The following TCF7L1 variants were observed in gnomAD, a reference collection of about 807,000 sequenced individuals.
TCF7L1 encodes the protein transcription factor 7-like 1.
In TCF7L1, 18 loss-of-function variants were observed where a neutral mutation model predicts 63.7. The observed-to-expected ratio is 0.28, with a 90% CI of 0.20 to 0.42. The LOEUF (loss-of-function observed/expected upper bound fraction) is 0.42, where lower values mean the gene tolerates loss of function less well. Among genes scored for constraint, TCF7L1 ranks in the 10% least tolerant of loss-of-function variants. The pLI is 1.00. For synonymous variants in TCF7L1, 355 were observed against 340.9 expected (o/e 1.04, Z -0.46); for missense variants, 654 against 779.3 (o/e 0.84, Z 1.91).
intron 3 of TCF7L1, among the ~76,000 whole-genome samples, chr2:85,212,555 C>G (rs542960030): frequency 2.6e-5 from 4 of 152,128 alleles, no homozygotes; most frequent in Admixed American, 6.6e-5. Context: ...TTTAGAGGAC[C>G]TGTCTTTTGA....
intron 3 of TCF7L1, among the ~76,000 whole-genome samples, chr2:85,269,230 G>A (rs1681087290): frequency 6.6e-6 from 1 of 152,146 alleles, no homozygotes; most frequent in South Asian, 2.1e-4. Context: ...ATATTCCCTG[G>A]ATGTCACTTC....
intron 3 of TCF7L1, among the ~76,000 whole-genome samples, chr2:85,256,873 C>T (rs1680731482): frequency 6.6e-6 from 1 of 151,906 alleles, no homozygotes; most frequent in South Asian, 2.1e-4. Context: ...ATCCCAGCCA[C>T]TCGGGAAGCT....
chr2:85,225,279 T>C (rs1679931700), intron 3 of TCF7L1, among the ~76,000 whole-genome samples: 1 of 152,346 alleles, frequency 6.6e-6, no homozygotes, highest in Middle Eastern at 3.4e-3. Context: ...TGGTTCCATA[T>C]GAAATTTAAA....
Position 85,283,541 on chromosome 2 carries a change from C to T in TCF7L1, c.488C>T (p.Thr163Ile), listed in dbSNP as rs138095205. ...WPLLDVPSSATVKDTRSPSPA... is the reference protein window; with the variant it reads ...WPLLDVPSSAIVKDTRSPSPA... ...CTCCTCGATGTCCCCTCCAGCGCCA[C>T]AGTCAAGGACACGAGGTCACCATCT... is the stretch of plus-strand genomic sequence containing the variant. Residue 163 changes from threonine (T) to isoleucine (I), a missense_variant, in exon 4 of 12, where the codon ACA becomes ATA. Physicochemically the swap from Thr to Ile is moderately conservative, Grantham distance 89 (BLOSUM62 -1). Coordinates refer to ENST00000282111, the MANE Select transcript of TCF7L1 (RefSeq NM_031283.3). 5.1e-5 allele frequency: 83 copies of T among 1,614,090 alleles called. No homozygotes were observed. Among genetic ancestry groups the T allele is most frequent in the Non-Finnish European group, 6.8e-5 (80 of 1,180,048 alleles).
At chr2:85,198,740 G>T (rs757891626) in intron 3 of TCF7L1, among the ~76,000 whole-genome samples, 3 of 152,144 alleles carry the variant, frequency 2.0e-5, no homozygotes, top group Non-Finnish European at 4.4e-5. Context: ...ACACGCCTGT[G>T]GTCCTAGCTA....
intron 3 of TCF7L1, among the ~76,000 whole-genome samples, chr2:85,194,402 G>T (rs1196978586): frequency 1.3e-5 from 2 of 152,076 alleles, no homozygotes; most frequent in Non-Finnish European, 2.9e-5. Flanking sequence ...GGTGGCGCAC[G>T]CCTGTAATCC....
intron 3 of TCF7L1, among the ~76,000 whole-genome samples, chr2:85,209,614 C>T (rs574036288): frequency 6.6e-6 from 1 of 152,336 alleles, no homozygotes; most frequent in African/African-American, 2.4e-5. Context: ...GTGTGGTCCA[C>T]AGACCCCTGC....
chr2:85,272,950 C>T (rs1681185328), intron 3 of TCF7L1, among the ~76,000 whole-genome samples: 1 of 152,234 alleles, frequency 6.6e-6, no homozygotes, highest in African/African-American at 2.4e-5. Flanking sequence ...TTATTTTCTT[C>T]CTAAAGTCAT....
chr2:85,208,393 C>T (rs539525323), intron 3 of TCF7L1, among the ~76,000 whole-genome samples: 49 of 152,052 alleles, frequency 3.2e-4, no homozygotes, highest in Non-Finnish European at 6.6e-4. Flanking sequence ...ACGTATACAG[C>T]GTGTCAGGTG....
intron 3 of TCF7L1, among the ~76,000 whole-genome samples, chr2:85,238,008 C>G (rs1239983856): frequency 1.3e-5 from 2 of 152,146 alleles, no homozygotes; most frequent in African/African-American, 4.8e-5. Context: ...GCGAAGGAGG[C>G]TTCCGCCCTG....
intron 3 of TCF7L1, among the ~76,000 whole-genome samples, chr2:85,255,120 G>C (rs73943082): frequency 0.035 from 5,402 of 152,198 alleles, 302 homozygotes; most frequent in African/African-American, 0.12. Context: ...TCAAGAGTGT[G>C]TCTTGAGCTG....
chr2:85,172,849 C>T (rs892078677), intron 3 of TCF7L1, among the ~76,000 whole-genome samples: 3 of 152,120 alleles, frequency 2.0e-5, no homozygotes, highest in Non-Finnish European at 2.9e-5. Flanking sequence ...TTGCAGCGTC[C>T]GCCCCACCTC....
At chr2:85,294,026 A>ATTTTTTTT (rs774050758) in intron 4 of TCF7L1, among the ~76,000 whole-genome samples, 5,243 of 59,402 alleles carry the variant, frequency 0.088, 968 homozygotes, top group East Asian at 0.2. Context: ...GAACACTGGG[A>ATTTTTTTT]TTTTTTTTTT....
chr2:85,243,841 C>G (rs1680398197), intron 3 of TCF7L1, among the ~76,000 whole-genome samples: 1 of 152,198 alleles, frequency 6.6e-6, no homozygotes, highest in African/African-American at 2.4e-5. Context: ...ACGTTGGGAG[C>G]TGCCCTGCTA....
chr2:85,302,640 G>A (rs1325936179), intron 5 of TCF7L1, 24 bp downstream of exon 5: 52 of 1,526,804 alleles, frequency 3.4e-5, no homozygotes, highest in Non-Finnish European at 4.5e-5. Flanking sequence ...CACTCAGGCA[G>A]TGCTGCTGCA....
chr2:85,226,391 AG>A (rs1393162052), intron 3 of TCF7L1, among the ~76,000 whole-genome samples: 1 of 152,174 alleles, frequency 6.6e-6, no homozygotes, highest in Non-Finnish European at 1.5e-5. Flanking sequence ...TTTACCATTA[AG>A]GAAGCTGACA....
At position 85,209,510 on chromosome 2, in the gene TCF7L1, A is replaced by G. The variant is rs543492177; in HGVS notation, c.442-73985A>G. ...CACTGTTTGAAACCTCAATGCCCTA[A>G]GGAGCATCTTGGGTGAGAAGAGAGA... is the stretch of plus-strand genomic sequence containing the variant. On this transcript the variant is annotated intron_variant, in intron 3 of 11. Transcript: ENST00000282111. 7.2e-5 allele frequency among the ~76,000 whole-genome samples: 11 copies of G among 152,326 alleles called. No individual in the cohort carries two copies. In the South Asian group the frequency reaches 1.7e-3, roughly 23 times the overall value.
intron 3 of TCF7L1, among the ~76,000 whole-genome samples, chr2:85,222,437 C>T (rs1055027031): frequency 1.4e-4 from 21 of 150,712 alleles, no homozygotes; most frequent in Admixed American, 1.1e-3. Flanking sequence ...TGGGAGGCCA[C>T]GGTGTGGATT....
At chr2:85,290,873 T>C (rs1340232089) in intron 4 of TCF7L1, among the ~76,000 whole-genome samples, 1 of 152,210 alleles carries the variant, frequency 6.6e-6, no homozygotes, top group Non-Finnish European at 1.5e-5. Context: ...CACCATTCAT[T>C]CTCTGTCCTT....
Sources: allele counts gnomAD v4.1 joint callset (sites outside exome capture counted in the v4.1 genomes callset), GRCh38; gene constraint gnomAD v4.1.1; transcripts MANE v1.5; gene names NCBI Gene and HGNC (gene_info 2026-07-23, HGNC 2026-07-21).